The following G3BP2 variants were observed in gnomAD, a reference collection of about 807,000 sequenced individuals.
G3BP2 encodes the protein G3BP stress granule assembly factor 2.
G3BP2 carries 11 observed loss-of-function variants against 56.7 expected under a neutral mutation model. The ratio of observed to expected loss-of-function variants is 0.19; its 90% CI spans 0.12 to 0.32. The LOEUF (loss-of-function observed/expected upper bound fraction) is 0.32. Ranked by LOEUF, G3BP2 falls within the 10% of genes least tolerant of loss-of-function variation. G3BP2 has a pLI of 1.00. For missense variants in G3BP2, 340 were observed against 610.9 expected, an observed-to-expected ratio of 0.56 and a Z score of 4.67; for synonymous variants, 165 against 191.6, an observed-to-expected ratio of 0.86 and a Z score of 1.15.
At chr4:75,720,840 T>A (rs867789435) in intron 3 of G3BP2, among the ~76,000 whole-genome samples, 39 of 135,654 alleles carry the variant, frequency 2.9e-4, no homozygotes, top group East Asian at 8.2e-4. Flanking sequence ...AATAAATAAA[T>A]AAAAATATTT....
chr4:75,659,609 A>G (rs1360404038), intron 2 of G3BP2, among the ~76,000 whole-genome samples: 5 of 152,232 alleles, frequency 3.3e-5, no homozygotes. Flanking sequence ...CAACTCCTAT[A>G]GTAATAAAAC....
At chr4:75,648,261 T>C (rs1268632261) in intron 9 of G3BP2, among the ~76,000 whole-genome samples, 1 of 150,110 alleles carries the variant, frequency 6.7e-6, no homozygotes, top group Non-Finnish European at 1.5e-5. Flanking sequence ...GGCAAGGGAA[T>C]CATTTGAACC....
upstream of G3BP2, chr4:75,673,692 G>A (rs1337478701): frequency 8.0e-6 from 9 of 1,128,046 alleles, no homozygotes; most frequent in Middle Eastern, 3.3e-4. Context: ...CAGCCTTGCC[G>A]CCCTTCTTCC....
At chr4:75,658,529 G>A (rs533433162) in intron 3 of G3BP2, among the ~76,000 whole-genome samples, 6 of 151,694 alleles carry the variant, frequency 4.0e-5, no homozygotes, top group South Asian at 2.1e-4. Flanking sequence ...TTGGGAGTTC[G>A]AGACCAGCCT....
At chr4:75,654,884 G>GT in intron 7 of G3BP2, 182 bp downstream of exon 7, 1 of 578,240 alleles carries the variant, frequency 1.7e-6, no homozygotes, top group Admixed American at 3.5e-5. Context: ...TCTTAGAGGG[G>GT]TATTTTGCGG....
intron 9 of G3BP2, among the ~76,000 whole-genome samples, 174 bp from the exon 10 acceptor site, chr4:75,647,331 T>C (rs942934342): frequency 2.0e-5 from 3 of 152,242 alleles, no homozygotes; most frequent in Non-Finnish European, 2.9e-5. Context: ...GAAAACAGCA[T>C]GACACTAAAA....
At chr4:75,703,671 G>A (rs1719431645) in intron 3 of G3BP2, among the ~76,000 whole-genome samples, 1 of 152,188 alleles carries the variant, frequency 6.6e-6, no homozygotes, top group African/African-American at 2.4e-5. Context: ...CAATGCTAGA[G>A]GCATATGGGA....
At chr4:75,648,080 T>G (rs1417641313) in intron 9 of G3BP2, among the ~76,000 whole-genome samples, 1 of 152,160 alleles carries the variant, frequency 6.6e-6, no homozygotes, top group African/African-American at 2.4e-5. Flanking sequence ...CCGGGCACAG[T>G]GGCTCATGCC....
chr4:75,673,495 A>G, upstream of G3BP2: 1 of 1,232,132 alleles, frequency 8.1e-7, no homozygotes, highest in Non-Finnish European at 1.0e-6. Flanking sequence ...GCGTCAGCCA[A>G]TCACGCATCT....
chr4:75,698,555 C>T (rs757233728), intron 3 of G3BP2, among the ~76,000 whole-genome samples: 7 of 152,044 alleles, frequency 4.6e-5, no homozygotes, highest in Non-Finnish European at 1.0e-4. Flanking sequence ...GCAATATTTC[C>T]CACCAATTTA....
In G3BP2 at chr4:75,643,320, A is replaced by ATATATATAT. The variant is rs1730997452; in HGVS notation, c.*2109_*2110insATATATATA. 1 of 95,056 alleles carries ATATATATAT rather than the reference A, an allele frequency of 1.1e-5. No individual in the cohort carries two copies. The highest frequency in any genetic ancestry group is 4.6e-5 in the African/African-American group (1 of 21,952). The allele number at this position is 95,056 out of a possible 1,614,324, so 5.9% of individuals were successfully genotyped here. ...TTATATATATATATATATATATGGA[A>ATATATATAT]ACAGAAATACAAGAAAATATGCTTG... On this transcript the variant is annotated 3_prime_UTR_variant, in exon 12 of 12. Coordinates refer to ENST00000359707, the MANE Select transcript of G3BP2 (RefSeq NM_203505.3).
At position 75,672,916 on chromosome 4, in the gene G3BP2, C is replaced by A. The variant is rs557049603; in HGVS notation, c.-25+292G>T. 7.7e-4 allele frequency: 609 copies of A among 795,816 alleles called. 3 individuals are homozygous for A. In the African/African-American group the frequency reaches 0.01, roughly 13 times the overall value. The allele number at this position is 795,816 out of a possible 1,614,324, so 49.3% of individuals were successfully genotyped here. ...GCGTGCCTCCCCCCCCACTTCGCCACCTCATCCCCAATAAACCTCAACCCC... is the reference window on the plus strand; with the variant it reads ...GCGTGCCTCCCCCCCCACTTCGCCAACTCATCCCCAATAAACCTCAACCCC... On this transcript the variant is annotated intron_variant, in intron 1 of 11. Coordinates refer to ENST00000359707, the MANE Select transcript of G3BP2 (RefSeq NM_203505.3).
At chr4:75,711,533 T>C (rs1421092653) in intron 3 of G3BP2, among the ~76,000 whole-genome samples, 1 of 151,482 alleles carries the variant, frequency 6.6e-6, no homozygotes, top group Non-Finnish European at 1.5e-5. Flanking sequence ...GCCAACGTGG[T>C]GAAATCCTGC....
At chr4:75,718,112 G>C (rs1026671099) in intron 3 of G3BP2, among the ~76,000 whole-genome samples, 1 of 149,524 alleles carries the variant, frequency 6.7e-6, no homozygotes, top group South Asian at 2.1e-4. Flanking sequence ...CTCCAGCCTG[G>C]AGACAGAATG....
intron 8 of G3BP2, among the ~76,000 whole-genome samples, chr4:75,653,759 T>TA (rs1731890458): frequency 6.6e-6 from 1 of 152,140 alleles, no homozygotes; most frequent in Non-Finnish European, 1.5e-5. Context: ...TATATACTGG[T>TA]AAAAACCAAC....
intron 3 of G3BP2, among the ~76,000 whole-genome samples, chr4:75,693,193 G>A (rs532039680): frequency 6.6e-6 from 1 of 152,046 alleles, no homozygotes; most frequent in Non-Finnish European, 1.5e-5. Flanking sequence ...GCAGTGAGCC[G>A]AGAGCATGCC....
chr4:75,672,575 CG>C (rs1733575604), intron 1 of G3BP2: 1 of 152,260 alleles, frequency 6.6e-6, no homozygotes, highest in Non-Finnish European at 1.5e-5. Flanking sequence ...TCAAACACGA[CG>C]GAACACTAGG....
In G3BP2 at chr4:75,655,135, T is replaced by C; in HGVS notation, c.657A>G (p.Glu219=). 1 of 1,613,262 alleles carries C rather than the reference T, an allele frequency of 6.2e-7. No individual in the cohort carries two copies. Residue 219 remains glutamate (E), a synonymous_variant, in exon 7 of 12, where the codon GAA becomes GAG. Coordinates refer to ENST00000359707, the MANE Select transcript of G3BP2 (RefSeq NM_203505.3). ...GAGTAGTAGATTTCTCCTCTAGTTC[T>C]TCTAAGTTCTTCTCCTCCACTTGTG... is the stretch of plus-strand genomic sequence containing the variant. ...LKPQVEEKNL[E]ELEEKSTTPP... is the part of the protein sequence containing the mutation.
chr4:75,705,875 A>G (rs1719524726), intron 3 of G3BP2, among the ~76,000 whole-genome samples: 2 of 152,136 alleles, frequency 1.3e-5, no homozygotes. Context: ...CATGGATAAT[A>G]TTTATTTAGT....
Sources: allele counts gnomAD v4.1 joint callset (sites outside exome capture counted in the v4.1 genomes callset), GRCh38; gene constraint gnomAD v4.1.1; transcripts MANE v1.5; gene names NCBI Gene and HGNC (gene_info 2026-07-23, HGNC 2026-07-21).